UBASH3B: variants seen among roughly 807,000 people sequenced by gnomAD.
The protein encoded by UBASH3B is ubiquitin-associated and SH3 domain-containing protein B.
Under a neutral mutation model 83.4 loss-of-function variants are expected in UBASH3B, and 37 were observed. The observed-to-expected ratio is 0.44, with a 90% confidence interval of 0.34 to 0.58. UBASH3B has a LOEUF of 0.58. Among genes scored for constraint, UBASH3B ranks in the 20% least tolerant of loss-of-function variants. The pLI, the probability that UBASH3B is intolerant of heterozygous loss-of-function variation, is 0.01. For missense variants in UBASH3B, 657 were observed against 827.2 expected (o/e 0.79, Z 2.52); for synonymous variants, 304 against 318.3 (o/e 0.96, Z 0.48).
At chr11:122,662,427 C>CTCT (rs1555130795) in intron 1 of UBASH3B, among the ~76,000 whole-genome samples, 4 of 136,136 alleles carry the variant, frequency 2.9e-5, no homozygotes, top group African/African-American at 1.1e-4. Context: ...TTTTTCTTTT[C>CTCT]TTTTCTTTTT....
intron 1 of UBASH3B, among the ~76,000 whole-genome samples, chr11:122,670,604 T>C (rs1863581428): frequency 6.6e-6 from 1 of 152,176 alleles, no homozygotes; most frequent in Admixed American, 6.5e-5. Flanking sequence ...AAGTGCACGA[T>C]AAATGGTAGG....
intron 1 of UBASH3B, among the ~76,000 whole-genome samples, chr11:122,672,157 G>A (rs909675113): frequency 6.6e-6 from 1 of 151,862 alleles, no homozygotes; most frequent in Non-Finnish European, 1.5e-5. Context: ...GCATTCTGAA[G>A]GTACAATCAT....
chr11:122,666,701 G>A (rs1863524520), intron 1 of UBASH3B, among the ~76,000 whole-genome samples: 1 of 152,286 alleles, frequency 6.6e-6, no homozygotes, highest in South Asian at 2.1e-4. Context: ...ACAGGCATGA[G>A]CCACCGCGCC....
chr11:122,693,795 C>T (rs549575339), intron 1 of UBASH3B, among the ~76,000 whole-genome samples: 14 of 152,180 alleles, frequency 9.2e-5, no homozygotes, highest in East Asian at 5.8e-4. Flanking sequence ...ATCTTGAACC[C>T]GGGAGGCGGA....
At chr11:122,701,104 A>T (rs10219428) in intron 1 of UBASH3B, among the ~76,000 whole-genome samples, 5,856 of 152,192 alleles carry the variant, frequency 0.038, 393 homozygotes, top group African/African-American at 0.13. Context: ...GCTGCTACTA[A>T]TTTGCATGGT....
At chr11:122,659,525 G>T (rs1446319291) in intron 1 of UBASH3B, among the ~76,000 whole-genome samples, 1 of 152,208 alleles carries the variant, frequency 6.6e-6, no homozygotes, top group Non-Finnish European at 1.5e-5. Context: ...CCAGTATGAA[G>T]AGGGGCCCTC....
At chr11:122,660,402 TTAAGGGTTCTAAAAA>T (rs1201620668) in intron 1 of UBASH3B, among the ~76,000 whole-genome samples, 1 of 152,056 alleles carries the variant, frequency 6.6e-6, no homozygotes, top group Non-Finnish European at 1.5e-5. Flanking sequence ...CTTCCCTGTT[TTAAGGGTTCTAAAAA>T]TAAGGGTCCA....
intron 1 of UBASH3B, among the ~76,000 whole-genome samples, chr11:122,677,105 A>G (rs535511424): frequency 1.3e-5 from 2 of 152,354 alleles, no homozygotes; most frequent in Admixed American, 1.3e-4. Flanking sequence ...ACTGAACATG[A>G]ACAGAATTTT....
At chr11:122,740,165 A>G (rs1002967126) in intron 1 of UBASH3B, among the ~76,000 whole-genome samples, 1 of 152,204 alleles carries the variant, frequency 6.6e-6, no homozygotes, top group African/African-American at 2.4e-5. Flanking sequence ...GAAGGATCCC[A>G]TATTTTGTGG....
chr11:122,718,268 A>G (rs1045118645), intron 1 of UBASH3B, among the ~76,000 whole-genome samples: 1 of 152,152 alleles, frequency 6.6e-6, no homozygotes, highest in East Asian at 1.9e-4. Context: ...ATGCATACCT[A>G]CCTAGTCTAA....
chr11:122,746,414 GGAA>G (rs1332028662), intron 1 of UBASH3B, among the ~76,000 whole-genome samples: 2 of 152,130 alleles, frequency 1.3e-5, no homozygotes, highest in Admixed American at 1.3e-4. Context: ...GTATTGACGC[GGAA>G]GTTATCTGAG....
intron 1 of UBASH3B, among the ~76,000 whole-genome samples, chr11:122,708,064 A>G (rs1864147567): frequency 6.6e-6 from 1 of 152,134 alleles, no homozygotes; most frequent in Admixed American, 6.5e-5. Context: ...TTCTCCTGAC[A>G]TCATAATACT....
chr11:122,742,220 T>C (rs1029430610), intron 1 of UBASH3B, among the ~76,000 whole-genome samples: 1 of 152,162 alleles, frequency 6.6e-6, no homozygotes, highest in Non-Finnish European at 1.5e-5. Context: ...AGAACCTTTT[T>C]AGAAAAGGGT....
chr11:122,761,639 A>G (rs1861371688), intron 1 of UBASH3B, among the ~76,000 whole-genome samples: 1 of 152,118 alleles, frequency 6.6e-6, no homozygotes, highest in African/African-American at 2.4e-5. Flanking sequence ...AGGACTAAAA[A>G]TTACCCAAGT....
intron 1 of UBASH3B, among the ~76,000 whole-genome samples, chr11:122,683,484 G>A (rs945731769): frequency 3.3e-5 from 5 of 151,664 alleles, no homozygotes; most frequent in African/African-American, 4.8e-5. Context: ...GCGTGGTGGC[G>A]CACGCCTGTA....
intron 1 of UBASH3B, among the ~76,000 whole-genome samples, chr11:122,701,742 G>T (rs572959673): frequency 6.6e-6 from 1 of 152,084 alleles, no homozygotes; most frequent in Admixed American, 6.6e-5. Flanking sequence ...CCTTGCTTTG[G>T]TCTGAAAACC....
intron 1 of UBASH3B, among the ~76,000 whole-genome samples, chr11:122,690,211 C>T (rs1339160522): frequency 3.3e-3 from 51 of 15,688 alleles, no homozygotes; most frequent in Non-Finnish European, 4.5e-3. Flanking sequence ...TATATATATC[C>T]AATTATATAT....
At chr11:122,685,576 G>T (rs1219018713) in intron 1 of UBASH3B, among the ~76,000 whole-genome samples, 3 of 152,150 alleles carry the variant, frequency 2.0e-5, no homozygotes, top group Admixed American at 6.5e-5. Context: ...AAGTGCAGTG[G>T]TGTGATCTTG....
chr11:122,782,181 T>C lies in UBASH3B; in HGVS notation c.602-872T>C, dbSNP rs117133993. ...ACTTGAGCCCAGGAGGTGGAGGCTGTGGTGAGCTATGATCATGCCACTTAA... is the reference window on the plus strand; with the variant it reads ...ACTTGAGCCCAGGAGGTGGAGGCTGCGGTGAGCTATGATCATGCCACTTAA... On this transcript the variant is annotated intron_variant, in intron 4 of 13. Transcript: ENST00000284273. Among the ~76,000 whole-genome samples the C allele has an allele frequency of 8.1e-3, 1,216 of 150,732 alleles. 12 individuals are homozygous for C. Among genetic ancestry groups the C allele is most frequent in the Non-Finnish European group, 0.013 (867 of 67,774 alleles).
Sources: gnomAD v4.1 joint callset for allele counts (sites outside exome capture counted in the v4.1 genomes callset) on GRCh38, gnomAD v4.1.1 for gene constraint, MANE v1.5 for transcripts, NCBI Gene and HGNC (gene_info 2026-07-23, HGNC 2026-07-21) for gene names.